Variants in STK10 observed in about 807,000 individuals in gnomAD.
STK10 encodes serine/threonine kinase 10.
In STK10, 78 loss-of-function variants were observed where a neutral mutation model predicts 113.8. That is an observed-to-expected ratio of 0.69 (90% CI 0.57 to 0.83). The LOEUF (loss-of-function observed/expected upper bound fraction) is 0.83, where lower values mean the gene tolerates loss of function less well. Ranked by LOEUF, STK10 falls within the 40% of genes least tolerant of loss-of-function variation. The pLI is 0.00. For synonymous variants in STK10, 465 were observed against 494.7 expected, an observed-to-expected ratio of 0.94 and a Z score of 0.80; for missense variants, 1,109 against 1,280.1, an observed-to-expected ratio of 0.87 and a Z score of 2.04.
chr5:172,091,189 A>T (rs1193075476), intron 9 of STK10, among the ~76,000 whole-genome samples: 1 of 152,084 alleles, frequency 6.6e-6, no homozygotes, highest in Non-Finnish European at 1.5e-5. Flanking sequence ...TCTGACAGTT[A>T]TTACTGCAGA....
At chr5:172,063,455 T>C (rs1466656472) in intron 13 of STK10, 2 of 152,172 alleles carry the variant, frequency 1.3e-5, no homozygotes, top group African/African-American at 2.4e-5. Flanking sequence ...AGCTAAGTAT[T>C]TGTGAACCTC....
At chr5:172,134,608 A>G (rs1769815621) in intron 2 of STK10, among the ~76,000 whole-genome samples, 1 of 152,130 alleles carries the variant, frequency 6.6e-6, no homozygotes. Flanking sequence ...GCATCAAAGG[A>G]CAGTATCAAG....
chr5:172,103,991 G>A lies in STK10; in HGVS notation c.870+1665C>T, dbSNP rs559008651. Among the ~76,000 whole-genome samples the A allele has an allele frequency of 4.6e-5, 7 of 152,204 alleles. No individual in the cohort carries two copies. In the South Asian group the frequency reaches 8.3e-4, roughly 18 times the overall value. On this transcript the variant is annotated intron_variant, in intron 7 of 18. Transcript: ENST00000176763. ...GAGCTGTCGAACCCTGGACTTTCCC[G>A]CCCCAGCTCACACTCATAATAACTA... is the stretch of plus-strand genomic sequence containing the variant.
chr5:172,117,237 C>G (rs531149600), intron 4 of STK10, among the ~76,000 whole-genome samples: 1 of 152,176 alleles, frequency 6.6e-6, no homozygotes, highest in South Asian at 2.1e-4. Flanking sequence ...CAAGAACGCA[C>G]CACTGCACTC....
chr5:172,128,270 A>G (rs951253749), intron 2 of STK10, among the ~76,000 whole-genome samples: 41 of 141,210 alleles, frequency 2.9e-4, no homozygotes, highest in African/African-American at 9.7e-4. Context: ...GCCCTGGTTC[A>G]CTCCCATTCT....
chr5:172,178,255 G>T (rs1255175840), intron 1 of STK10, among the ~76,000 whole-genome samples: 2 of 152,164 alleles, frequency 1.3e-5, no homozygotes, highest in East Asian at 3.9e-4. Flanking sequence ...ACACCGTGTG[G>T]CCCCATCCTC....
intron 4 of STK10, among the ~76,000 whole-genome samples, chr5:172,116,687 G>C (rs1769392639): frequency 1.3e-5 from 2 of 151,602 alleles, no homozygotes; most frequent in South Asian, 4.2e-4. Context: ...GGCCAACATG[G>C]TGAAACCCGG....
chr5:172,175,542 C>T (rs1770744444), intron 1 of STK10, among the ~76,000 whole-genome samples: 1 of 152,116 alleles, frequency 6.6e-6, no homozygotes, highest in African/African-American at 2.4e-5. Flanking sequence ...AGCTTCCCCG[C>T]CCTGACACCC....
intron 14 of STK10, among the ~76,000 whole-genome samples, chr5:172,059,476 T>A (rs1210310567): frequency 2.7e-5 from 4 of 150,608 alleles, no homozygotes; most frequent in East Asian, 3.9e-4. Context: ...AAGCAGATAT[T>A]TAGCCATTTG....
At position 172,054,658 on chromosome 5, in the gene STK10, G is replaced by C. The variant is rs754651618; in HGVS notation, c.2563C>G (p.Arg855Gly). 21 of 1,610,874 alleles carry C rather than the reference G, an allele frequency of 1.3e-5. No homozygotes were observed. The South Asian group carries it at 2.2e-4, about 17-fold the overall frequency. The change falls in exon 17 of 19, where the codon CGG becomes GGG. Residue 855 changes from arginine (R) to glycine (G), a missense_variant. Physicochemically the swap from Arg to Gly is moderately radical, Grantham distance 125 (BLOSUM62 -2). Coordinates refer to ENST00000176763, the MANE Select transcript of STK10 (RefSeq NM_005990.4). ...QQEEKRQKSERLQQQQKHENQ... is the reference protein window; with the variant it reads ...QQEEKRQKSEGLQQQQKHENQ... The stretch of plus-strand genomic sequence containing the variant: ...TCGTGTTTCTGCTGTTGCTGCAGCC[G>C]CTCCGACTTCTGCCTCTTCTCCTCC...
intron 2 of STK10, among the ~76,000 whole-genome samples, chr5:172,128,387 G>A (rs975518376): frequency 4.7e-5 from 7 of 147,998 alleles, no homozygotes; most frequent in Non-Finnish European, 1.0e-4. Context: ...TGTCACCCAG[G>A]CTAGCGTGCA....
At chr5:172,076,502 T>C (rs1351799706) in intron 12 of STK10, among the ~76,000 whole-genome samples, 1 of 151,716 alleles carries the variant, frequency 6.6e-6, no homozygotes, top group Non-Finnish European at 1.5e-5. Flanking sequence ...TGTGCGTTAG[T>C]TGTGGGGGCG....
chr5:172,103,717 G>A (rs1333850576), intron 7 of STK10, among the ~76,000 whole-genome samples: 4 of 152,020 alleles, frequency 2.6e-5, no homozygotes, highest in Non-Finnish European at 5.9e-5. Context: ...ACCCCCGGCA[G>A]TAGATAGACC....
chr5:172,170,913 G>C (rs1307778170), intron 1 of STK10, among the ~76,000 whole-genome samples: 1 of 152,234 alleles, frequency 6.6e-6, no homozygotes, highest in Non-Finnish European at 1.5e-5. Flanking sequence ...TTGCAGAGGG[G>C]AGAGGACTCC....
At chr5:172,131,400 A>G (rs13435925) in intron 2 of STK10, among the ~76,000 whole-genome samples, 3,450 of 152,278 alleles carry the variant, frequency 0.023, 136 homozygotes, top group African/African-American at 0.078. Flanking sequence ...TGCATCTTTC[A>G]GTGAAACTGT....
Position 172,177,172 on chromosome 5 carries a change from T to TA in STK10, c.156+10714dup, listed in dbSNP as rs748019558. Among the ~76,000 whole-genome samples, 921 of 140,772 alleles carry TA rather than the reference T, an allele frequency of 6.5e-3. 15 individuals carry two copies. Among genetic ancestry groups the TA allele is most frequent in the African/African-American group, 0.017 (598 of 35,782 alleles). The allele number at this position is 140,772 out of a possible 152,430, so 92.4% of individuals were successfully genotyped here. On this transcript the variant is annotated intron_variant, in intron 1 of 18. Coordinates refer to ENST00000176763, the MANE Select transcript of STK10 (RefSeq NM_005990.4). ...AGCCTGGATGAAGGAGTGCAGTCTT[T>TA]AAAAAAAAAAAGAAAAGACCCTAGA...
intron 1 of STK10, among the ~76,000 whole-genome samples, chr5:172,166,297 T>C (rs1278522236): frequency 6.6e-6 from 1 of 152,198 alleles, no homozygotes; most frequent in African/African-American, 2.4e-5. Context: ...TGGAGACAGC[T>C]GTACCTGAAG....
intron 2 of STK10, among the ~76,000 whole-genome samples, chr5:172,130,704 C>T (rs933682364): frequency 3.3e-5 from 5 of 152,278 alleles, no homozygotes; most frequent in Middle Eastern, 3.4e-3. Context: ...AGTCAATCTC[C>T]CTGAGCCTCC....
At chr5:172,096,039 G>A (rs1430389718) in intron 8 of STK10, among the ~76,000 whole-genome samples, 1 of 152,202 alleles carries the variant, frequency 6.6e-6, no homozygotes, top group Non-Finnish European at 1.5e-5. Flanking sequence ...CCAGGGTGTT[G>A]CCTGTGGCCA....
Sources: allele counts gnomAD v4.1 joint callset (sites outside exome capture counted in the v4.1 genomes callset), GRCh38; gene constraint gnomAD v4.1.1; transcripts MANE v1.5; gene names NCBI Gene and HGNC (gene_info 2026-07-23, HGNC 2026-07-21).